PARD3B: variants seen among roughly 807,000 people sequenced by gnomAD.
PARD3B encodes par-3 family cell polarity regulator beta, also known as partitioning defective 3 homolog B.
PARD3B carries 103 observed loss-of-function variants against 130.2 expected under a neutral mutation model. That is an observed-to-expected ratio of 0.79 (90% CI 0.67 to 0.93). The LOEUF is 0.93. PARD3B is among the 40% of genes least tolerant of loss of function. The probability of loss-of-function intolerance (pLI) is 0.00; values close to 1 mark genes in which losing one functional copy is unlikely to be tolerated. For missense variants in PARD3B, 1,609 were observed against 1,499.2 expected (o/e 1.07, Z -1.21); for synonymous variants, 583 against 553.2 (o/e 1.05, Z -0.76).
At chr2:205,156,120 G>T (rs1441602304) in intron 10 of PARD3B, among the ~76,000 whole-genome samples, 1 of 151,966 alleles carries the variant, frequency 6.6e-6, no homozygotes, top group African/African-American at 2.4e-5. Flanking sequence ...TAGGGACATG[G>T]ATGAAATTGG....
chr2:205,047,860 T>C (rs757689181), intron 4 of PARD3B, 170 bp downstream of exon 4: 15 of 497,074 alleles, frequency 3.0e-5, no homozygotes, highest in Non-Finnish European at 5.0e-5. Context: ...TGTATATAGT[T>C]ATAGCGATAG....
chr2:205,237,880 G>A (rs934445445), intron 15 of PARD3B, among the ~76,000 whole-genome samples: 3 of 152,098 alleles, frequency 2.0e-5, no homozygotes, highest in East Asian at 3.8e-4. Context: ...ATTTAGACCT[G>A]TCCCAGAATT....
chr2:204,804,969 A>G (rs1005805557), intron 2 of PARD3B, among the ~76,000 whole-genome samples: 2 of 152,140 alleles, frequency 1.3e-5, no homozygotes, highest in Admixed American at 6.6e-5. Context: ...ACACAGAGAA[A>G]GCAGTATTAA....
chr2:205,570,204 A>G (rs1053572208), intron 22 of PARD3B, among the ~76,000 whole-genome samples: 5 of 152,164 alleles, frequency 3.3e-5, no homozygotes, highest in African/African-American at 1.2e-4. Flanking sequence ...AATTCTCTGA[A>G]GTTACATGCC....
intron 19 of PARD3B, among the ~76,000 whole-genome samples, chr2:205,420,881 C>T (rs535719108): frequency 1.7e-4 from 26 of 152,234 alleles, no homozygotes; most frequent in African/African-American, 5.8e-4. Flanking sequence ...CTGTGGCTCA[C>T]GCTGTAATCC....
Position 205,119,019 on chromosome 2 carries a change from T to C in PARD3B, c.779T>C (p.Val260Ala). 6.2e-7 allele frequency: 1 copy of C among 1,608,864 alleles called. No individual in the cohort carries two copies. Among genetic ancestry groups the C allele is most frequent in the South Asian group, 1.1e-5 (1 of 89,798 alleles). Reference protein sequence around the residue: ...ENECIVKINNVDLVDKTFAQA... With the variant: ...ENECIVKINNADLVDKTFAQA... ...GAATGTATTGTAAAAATCAACAATG[T>C]GGATCTCGTAGACAAAACCTTTGCT... The change falls in exon 7 of 23, where the codon GTG (valine) becomes GCG (alanine). Residue 260 changes from valine to alanine, a missense_variant. Physicochemically the swap from Val to Ala is moderately conservative, Grantham distance 64. Transcript: ENST00000406610.
At chr2:205,080,674 G>A (rs1701352843) in intron 4 of PARD3B, among the ~76,000 whole-genome samples, 1 of 152,084 alleles carries the variant, frequency 6.6e-6, no homozygotes, top group African/African-American at 2.4e-5. Flanking sequence ...TGCTAAGTCT[G>A]TACACTGTGA....
At chr2:204,898,820 A>G (rs1214425961) in intron 2 of PARD3B, among the ~76,000 whole-genome samples, 1 of 152,118 alleles carries the variant, frequency 6.6e-6, no homozygotes, top group Non-Finnish European at 1.5e-5. Context: ...ATGCATATAT[A>G]TTTACAATTG....
chr2:205,144,013 T>C (rs2033169478), intron 10 of PARD3B, among the ~76,000 whole-genome samples: 1 of 152,228 alleles, frequency 6.6e-6, no homozygotes, highest in East Asian at 1.9e-4. Flanking sequence ...TTAGTTTTTA[T>C]TCTTTACTTT....
At chr2:205,388,340 G>A (rs1306401209) in intron 18 of PARD3B, among the ~76,000 whole-genome samples, 1 of 152,190 alleles carries the variant, frequency 6.6e-6, no homozygotes, top group African/African-American at 2.4e-5. Flanking sequence ...GTACAGGAAA[G>A]GGAGGAAGAA....
chr2:205,254,089 A>T (rs990523566), intron 16 of PARD3B, among the ~76,000 whole-genome samples: 1 of 60,780 alleles, frequency 1.6e-5, no homozygotes, highest in African/African-American at 2.3e-4. Flanking sequence ...TAGAGAAATT[A>T]AAAAAAAAAA....
rs148262726 is a variant in PARD3B at position 205,338,046 on chromosome 2, C to T, written c.2630+36345C>T. On this transcript the variant is annotated intron_variant, in intron 18 of 22. Coordinates refer to ENST00000406610, the MANE Select transcript of PARD3B (RefSeq NM_001302769.2). ...GCAGACACCTGTAATCCCAGCTACT[C>T]GGGAGGCTGAGGCAGAGAATTGCTT... Among the ~76,000 whole-genome samples, 73 of 147,246 alleles carry T rather than the reference C, an allele frequency of 5.0e-4. No homozygotes were observed. In the East Asian group the frequency reaches 0.014, roughly 28 times the overall value.
intron 11 of PARD3B, among the ~76,000 whole-genome samples, chr2:205,169,202 G>T (rs547358121): frequency 6.6e-6 from 1 of 152,210 alleles, no homozygotes; most frequent in African/African-American, 2.4e-5. Flanking sequence ...AATAACAACA[G>T]ACCAGCCAAG....
intron 4 of PARD3B, among the ~76,000 whole-genome samples, chr2:205,094,985 T>C (rs943165607): frequency 2.0e-5 from 3 of 152,150 alleles, no homozygotes; most frequent in Non-Finnish European, 4.4e-5. Context: ...ACCATATAAA[T>C]GTCCATTTTG....
At position 205,550,092 on chromosome 2, in the gene PARD3B, G is replaced by A. The variant is rs1247552080; in HGVS notation, c.3181-3232G>A. Among the ~76,000 whole-genome samples, 1 of 152,106 alleles carries A rather than the reference G, an allele frequency of 6.6e-6. No homozygotes were observed. Among genetic ancestry groups the A allele is most frequent in the African/African-American group, 2.4e-5 (1 of 41,406 alleles). The stretch of plus-strand genomic sequence containing the variant: ...AATCTTCAAATTCCCTGAAGACACA[G>A]TGCTTTCGATATGCCTCCATGGTTT... On this transcript the variant is annotated intron_variant, in intron 21 of 22. Transcript: ENST00000406610. This position sits in a 1 kb window ranked among gnomAD's most constrained non-coding sequence, Gnocchi z 4.5.
intron 22 of PARD3B, among the ~76,000 whole-genome samples, chr2:205,578,627 G>A (rs563593219): frequency 1.1e-4 from 17 of 152,170 alleles, no homozygotes; most frequent in Non-Finnish European, 2.5e-4. Context: ...AGAAAAAATG[G>A]TATCAAGGTA....
At chr2:205,380,187 ATATATAT>A (rs1227767505) in intron 18 of PARD3B, among the ~76,000 whole-genome samples, 1 of 110,846 alleles carries the variant, frequency 9.0e-6, no homozygotes, top group East Asian at 2.3e-4. Context: ...TATGTAAAGA[ATATATAT>A]TATATAATAT....
rs34032930 is a variant in PARD3B at position 205,310,719 on chromosome 2, C to CTTTTTTTTTTTT, written c.2630+9029_2630+9040dup. Among the ~76,000 whole-genome samples, 78 of 82,602 alleles carry CTTTTTTTTTTTT rather than the reference C, an allele frequency of 9.4e-4. 1 individual carries two copies. The highest frequency in any genetic ancestry group is 2.8e-3 in the African/African-American group (51 of 18,512). 54.2% of individuals were successfully genotyped at this position (82,602 alleles called of 152,430 possible). On this transcript the variant is annotated intron_variant, in intron 18 of 22. Transcript: ENST00000406610. ...TATTTCTTCCTTTCTTTCTTTCTTT[C>CTTTTTTTTTTTT]TTTTTTTTTTTTTTTTTTTTTTGAG...
At chr2:204,627,312 T>C (rs2034521811) in intron 1 of PARD3B, among the ~76,000 whole-genome samples, 1 of 152,188 alleles carries the variant, frequency 6.6e-6, no homozygotes, top group Non-Finnish European at 1.5e-5. Flanking sequence ...TTTGATTCAT[T>C]CTAAAGTAAA....
Sources: allele counts gnomAD v4.1 joint callset (sites outside exome capture counted in the v4.1 genomes callset), GRCh38; gene constraint gnomAD v4.1.1; non-coding constraint Gnocchi (gnomAD v3.1); transcripts MANE v1.5; gene names NCBI Gene and HGNC (gene_info 2026-07-23, HGNC 2026-07-21).